The following ADGRE5 variants were observed in gnomAD, a reference collection of about 807,000 sequenced individuals.
ADGRE5 encodes the protein adhesion G protein-coupled receptor E5.
ADGRE5 carries 72 observed loss-of-function variants against 100.3 expected under a neutral mutation model. That is an observed-to-expected ratio of 0.72 (90% CI 0.59 to 0.87). The LOEUF (loss-of-function observed/expected upper bound fraction) is 0.87, where lower values mean the gene tolerates loss of function less well. Ranked by LOEUF, ADGRE5 falls within the 40% of genes least tolerant of loss-of-function variation. The probability of loss-of-function intolerance (pLI) is 0.00; values close to 1 mark genes in which losing one functional copy is unlikely to be tolerated. For synonymous variants in ADGRE5, 439 were observed against 447.8 expected (o/e 0.98, Z 0.25); for missense variants, 959 against 1,094.7 (o/e 0.88, Z 1.75).
In ADGRE5 at chr19:14,397,868, C is replaced by T. The variant is rs540110369; in HGVS notation, c.773-21C>T. ...CACACTGACAAGCGGCCTAATGAGC[C>T]GCTTGTCTTGTTCCCTACAGATATG... On this transcript the variant is annotated intron_variant, in intron 7 of 19. Coordinates refer to ENST00000242786, the MANE Select transcript of ADGRE5 (RefSeq NM_078481.4). 13 of 803,670 alleles carry T rather than the reference C, an allele frequency of 1.6e-5. 1 individual carries two copies. The highest frequency in any genetic ancestry group is 7.9e-5 in the African/African-American group (2 of 25,176). The allele number at this position is 803,670 out of a possible 1,614,324, so 49.8% of individuals were successfully genotyped here.
chr19:14,401,496 T>C lies in ADGRE5; in HGVS notation c.1008T>C (p.Asp336=), dbSNP rs761418785. The C allele has an allele frequency of 4.2e-5, 67 of 1,614,026 alleles. No individual in the cohort carries two copies. Among genetic ancestry groups the C allele is most frequent in the Non-Finnish European group, 5.3e-5 (62 of 1,180,030 alleles). ...IATQLLSNLE[D]IMRILAKSLP... ...CCCAGCTGCTCTCAAACCTTGAAGA[T>C]ATCATGAGGATCCTGGCCAAGAGCC... The change falls in exon 10 of 20, where the codon GAT becomes GAC. Residue 336 remains aspartate, a synonymous_variant. Coordinates refer to ENST00000242786, the MANE Select transcript of ADGRE5 (RefSeq NM_078481.4). This position sits in a 1 kb window ranked among gnomAD's most constrained non-coding sequence, Gnocchi z 4.1.
intron 4 of ADGRE5, among the ~76,000 whole-genome samples, chr19:14,395,549 C>T (rs1389896713): frequency 6.6e-6 from 1 of 152,218 alleles, no homozygotes; most frequent in African/African-American, 2.4e-5. Flanking sequence ...CATCTGCCAC[C>T]CCTCACCCAT....
At chr19:14,398,494 C>A (rs866130302) in intron 9 of ADGRE5, among the ~76,000 whole-genome samples, 1 of 136,856 alleles carries the variant, frequency 7.3e-6, no homozygotes, top group South Asian at 2.4e-4. Context: ...ATGGTGAAAC[C>A]CCCGTCTCTA....
In ADGRE5 at chr19:14,405,949, C is replaced by G; in HGVS notation, c.1821+10C>G. On this transcript the variant is annotated intron_variant, in intron 14 of 19. Transcript: ENST00000242786. ...GAACGAAGGCGGCCAGGTGAGGTCCCGCCCCGCTCCCTCCTGAGCTCTGGG... is the reference window on the plus strand; with the variant it reads ...GAACGAAGGCGGCCAGGTGAGGTCCGGCCCCGCTCCCTCCTGAGCTCTGGG... 1.2e-6 allele frequency: 2 copies of G among 1,600,948 alleles called. No individual in the cohort carries two copies. The highest frequency in any genetic ancestry group is 1.7e-6 in the Non-Finnish European group (2 of 1,178,170).
At chr19:14,385,156 G>A (rs1052437239) in intron 1 of ADGRE5, among the ~76,000 whole-genome samples, 53 of 151,652 alleles carry the variant, frequency 3.5e-4, no homozygotes, top group African/African-American at 1.2e-3. Context: ...GATTACAGGC[G>A]TGTGCCACCA....
At position 14,381,545 on chromosome 19, in the gene ADGRE5, G is replaced by C. The variant is rs367758297; in HGVS notation, c.22G>C (p.Ala8Pro). Residue 8 changes from alanine to proline, a missense_variant and splice_region_variant, in exon 1 of 20, where the codon GCA becomes CCA. Coordinates refer to ENST00000242786, the MANE Select transcript of ADGRE5 (RefSeq NM_078481.4). MGGRVFL[A>P]FCVWLTLPGA... The stretch of plus-strand genomic sequence containing the variant: ...AACCATGGGAGGCCGCGTCTTTCTC[G>C]GTAAGTACTTTGGGGCCCCGCTGGG... 4 of 1,607,582 alleles carry C rather than the reference G, an allele frequency of 2.5e-6. No homozygotes were observed. Among genetic ancestry groups the C allele is most frequent in the Non-Finnish European group, 3.4e-6 (4 of 1,178,062 alleles).
chr19:14,407,283 G>A, intron 18 of ADGRE5, 54 bp downstream of exon 18: 1 of 1,590,574 alleles, frequency 6.3e-7, no homozygotes, highest in African/African-American at 1.3e-5. Flanking sequence ...CTATTTGGGA[G>A]GCTGAGGTGG....
At position 14,398,064 on chromosome 19, in the gene ADGRE5, G is replaced by T. The variant is rs1267717952; in HGVS notation, c.822G>T (p.Thr274=). ...WTPPPGVHSQ[T]LSRFFDKVQD... ...CCCCACATCTCCTCTCTCTGCAGACGCTTTCCCGATTCTTCGACAAAGTCC... is the reference window on the plus strand; with the variant it reads ...CCCCACATCTCCTCTCTCTGCAGACTCTTTCCCGATTCTTCGACAAAGTCC... Residue 274 remains threonine (T), a splice_region_variant and synonymous_variant, in exon 9 of 20, where the codon ACG becomes ACT. Transcript: ENST00000242786. The T allele has an allele frequency of 1.9e-6, 3 of 1,613,536 alleles. No homozygotes were observed. The South Asian group carries it at 3.3e-5, about 18-fold the overall frequency.
chr19:14,405,529 A>AG, intron 13 of ADGRE5: 2 of 508,772 alleles, frequency 3.9e-6, no homozygotes, highest in Non-Finnish European at 6.9e-6. Flanking sequence ...CAGGCAGAGA[A>AG]GGGGGGCGCC....
Position 14,388,501 on chromosome 19 carries a change from G to T in ADGRE5, c.73+1G>T. The T allele has an allele frequency of 6.3e-7, 1 of 1,591,550 alleles. No homozygotes were observed. The highest frequency in any genetic ancestry group is 8.6e-7 in the Non-Finnish European group (1 of 1,168,144). ...GGAGCTGAAACCCAGGACTCCAGGG[G>T]TGAGTCTGCTGGGAAGCAGAAAGCA... On this transcript the variant is annotated splice_donor_variant, in intron 2 of 19. Transcript: ENST00000242786. LOFTEE classifies it high-confidence loss of function.
At chr19:14,394,927 G>C (rs3826759) in intron 4 of ADGRE5, among the ~76,000 whole-genome samples, 21,793 of 152,102 alleles carry the variant, frequency 0.14, 2,069 homozygotes, top group East Asian at 0.47. Flanking sequence ...GGTAATTCCT[G>C]GGCCTGAACG....
rs1299583365 is a variant in ADGRE5 at position 14,405,928 on chromosome 19, G to C, written c.1810G>C (p.Glu604Gln). 1.2e-6 allele frequency: 2 copies of C among 1,607,634 alleles called. No individual in the cohort carries two copies. Among genetic ancestry groups the C allele is most frequent in the South Asian group, 2.2e-5 (2 of 91,042 alleles). Residue 604 changes from glutamate (E) to glutamine (Q), a missense_variant, in exon 14 of 20, where the codon GAA becomes CAA. By Grantham distance (29) the Glu-to-Gln change is conservative. Transcript: ENST00000242786. ...STIFLAGIEN[E>Q]GGQVGLRCRL... ...CATCTTCCTGGCCGGCATCGAGAAC[G>C]AAGGCGGCCAGGTGAGGTCCCGCCC...
intron 1 of ADGRE5, among the ~76,000 whole-genome samples, chr19:14,384,916 C>CTCTCCGTCTCCG (rs1491017367): frequency 2.3e-4 from 35 of 150,392 alleles, no homozygotes; most frequent in Admixed American, 1.9e-3. Context: ...CTCCTTTCTC[C>CTCTCCGTCTCCG]TCTCTGTCTC....
intron 4 of ADGRE5, among the ~76,000 whole-genome samples, chr19:14,391,970 G>A (rs191490532): frequency 4.9e-4 from 74 of 151,454 alleles, no homozygotes; most frequent in South Asian, 2.1e-3. Context: ...GGTGGCACGC[G>A]CCTGTAATCC....
At chr19:14,407,290 G>C (rs1976300445) in intron 18 of ADGRE5, 61 bp downstream of exon 18, 2 of 1,582,240 alleles carry the variant, frequency 1.3e-6, no homozygotes, top group East Asian at 2.2e-5. Context: ...GGAGGCTGAG[G>C]TGGGAGGATT....
At chr19:14,399,840 TTTAG>T (rs1975941030) in intron 9 of ADGRE5, among the ~76,000 whole-genome samples, 3 of 152,188 alleles carry the variant, frequency 2.0e-5, no homozygotes, top group South Asian at 2.1e-4. Context: ...AGCTAGATTA[TTTAG>T]TTAGTTAGTT....
In ADGRE5 at chr19:14,407,123, T is replaced by A. The variant is rs775734587; in HGVS notation, c.2270T>A (p.Leu757Gln). The A allele has an allele frequency of 1.9e-6, 3 of 1,614,066 alleles. No homozygotes were observed. The highest frequency in any genetic ancestry group is 3.3e-5 in the Admixed American group (2 of 60,012). The change falls in exon 18 of 20, where the codon CTG becomes CAG. Residue 757 changes from leucine (L) to glutamine (Q), a missense_variant. By Grantham distance (113) the Leu-to-Gln change is moderately radical. Around this residue, in one of 6 missense-constraint regions of ADGRE5, gnomAD observed 428 missense variants for 386.2 expected, o/e 1.11. Transcript: ENST00000242786. ...TTGGGCTGCACCTGGGTCTTTGGCC[T>A]GTTCATCTTCGACGATCGGAGCTTG... ...FLLGCTWVFGLFIFDDRSLVL... is the reference protein window; with the variant it reads ...FLLGCTWVFGQFIFDDRSLVL...
Position 14,401,619 on chromosome 19 carries a change from G to C in ADGRE5, c.1076-34G>C. 6.2e-7 allele frequency: 1 copy of C among 1,603,970 alleles called. No individual in the cohort carries two copies. Among genetic ancestry groups the C allele is most frequent in the East Asian group, 2.2e-5 (1 of 44,790 alleles). ...AACCCTGGGCCCCACCTGGTACCTGGGGTCCCTAATCACAACTGCCCCTCT... is the reference window on the plus strand; with the variant it reads ...AACCCTGGGCCCCACCTGGTACCTGCGGTCCCTAATCACAACTGCCCCTCT... On this transcript the variant is annotated intron_variant, in intron 10 of 19. Coordinates refer to ENST00000242786, the MANE Select transcript of ADGRE5 (RefSeq NM_078481.4). This position sits in a 1 kb window ranked among gnomAD's most constrained non-coding sequence, Gnocchi z 4.1.
chr19:14,383,662 C>T lies in ADGRE5; in HGVS notation c.22+2117C>T, dbSNP rs1314244946. Among the ~76,000 whole-genome samples, 5 of 151,804 alleles carry T rather than the reference C, an allele frequency of 3.3e-5. No homozygotes were observed. The East Asian group carries it at 9.7e-4, about 29-fold the overall frequency. Reference sequence around the variant, plus strand: ...GGATCTCAATGCAGGAAACTGACTACTTAGGGCTCAGCCCAGAGAATGCAA... The same window carrying T: ...GGATCTCAATGCAGGAAACTGACTATTTAGGGCTCAGCCCAGAGAATGCAA... On this transcript the variant is annotated intron_variant, in intron 1 of 19. Transcript: ENST00000242786.
Sources: allele counts gnomAD v4.1 joint callset (sites outside exome capture counted in the v4.1 genomes callset), GRCh38; gene constraint gnomAD v4.1.1; regional missense constraint gnomAD v4.1.1; non-coding constraint Gnocchi (gnomAD v3.1); transcripts MANE v1.5; gene names NCBI Gene and HGNC (gene_info 2026-07-23, HGNC 2026-07-21).